CEP128: variants seen among roughly 807,000 people sequenced by gnomAD.
The protein encoded by CEP128 is centrosomal protein 128kDa.
Under a neutral mutation model 156.7 loss-of-function variants are expected in CEP128, and 132 were observed. The observed-to-expected ratio is 0.84, with a 90% CI of 0.73 to 0.97. The LOEUF is 0.97. Among genes scored for constraint, CEP128 ranks in the 50% least tolerant of loss-of-function variants. The pLI is 0.00. For synonymous variants in CEP128, 469 were observed against 448.9 expected (o/e 1.04, Z -0.57); for missense variants, 1,252 against 1,281.9 (o/e 0.98, Z 0.36).
At chr14:80,481,825 C>G (rs1887059908) in intron 14 of CEP128, among the ~76,000 whole-genome samples, 1 of 152,178 alleles carries the variant, frequency 6.6e-6, no homozygotes, top group Non-Finnish European at 1.5e-5. Context: ...TCCTAGTTCA[C>G]CTTAAATAGC....
intron 7 of CEP128, among the ~76,000 whole-genome samples, chr14:80,899,158 AT>A (rs1389155948): frequency 1.3e-5 from 2 of 152,240 alleles, no homozygotes; most frequent in Non-Finnish European, 2.9e-5. Flanking sequence ...TATACTTGAT[AT>A]TCATAGATTT....
intron 13 of CEP128, among the ~76,000 whole-genome samples, chr14:80,795,180 A>C (rs1200491807): frequency 6.6e-6 from 1 of 151,808 alleles, no homozygotes; most frequent in African/African-American, 2.4e-5. Context: ...GATGACCCCA[A>C]CTCCAGGCCT....
chr14:80,656,030 A>G (rs1298390523), intron 19 of CEP128, among the ~76,000 whole-genome samples: 2 of 151,678 alleles, frequency 1.3e-5, no homozygotes, highest in Admixed American at 6.6e-5. Flanking sequence ...TTTACTAAAC[A>G]TCCTTCCATG....
chr14:80,505,237 TTTC>T (rs1292935110), intron 23 of CEP128, among the ~76,000 whole-genome samples: 2 of 152,352 alleles, frequency 1.3e-5, no homozygotes, highest in Non-Finnish European at 2.9e-5. Flanking sequence ...ACATGACATA[TTTC>T]TTTCCAGTCT....
At chr14:80,621,529 A>T (rs1023106246) in intron 19 of CEP128, among the ~76,000 whole-genome samples, 2 of 152,220 alleles carry the variant, frequency 1.3e-5, no homozygotes, top group African/African-American at 4.8e-5. Flanking sequence ...TTTAACACAA[A>T]TTCTACAGAT....
chr14:80,929,662 CTA>C (rs371717922), intron 2 of CEP128, among the ~76,000 whole-genome samples: 12 of 152,172 alleles, frequency 7.9e-5, no homozygotes, highest in African/African-American at 2.2e-4. Context: ...GGGAGCTAAG[CTA>C]TGAGTACACA....
chr14:80,853,745 G>C (rs542431841), intron 9 of CEP128, among the ~76,000 whole-genome samples: 10 of 151,928 alleles, frequency 6.6e-5, no homozygotes, highest in Non-Finnish European at 1.2e-4. Context: ...TTTACCAAAA[G>C]ATAATAAAAC....
rs564500178 is a variant in CEP128 at position 80,689,200 on chromosome 14, C to CA, written c.2806+53874dup. 4.7e-3 allele frequency among the ~76,000 whole-genome samples: 614 copies of CA among 129,532 alleles called. 4 individuals are homozygous for CA. Among genetic ancestry groups the CA allele is most frequent in the African/African-American group, 0.015 (522 of 35,016 alleles). 85.0% of individuals were successfully genotyped at this position (129,532 alleles called of 152,430 possible). The stretch of plus-strand genomic sequence containing the variant: ...TGAAACCCTGTATCTACTAAAAATA[C>CA]AAAAAAAAATTAGCAGGGAGGCAGA... On this transcript the variant is annotated intron_variant, in intron 19 of 24. Transcript: ENST00000555265.
chr14:80,568,952 A>C (rs1259675768), intron 20 of CEP128, among the ~76,000 whole-genome samples: 2 of 152,192 alleles, frequency 1.3e-5, no homozygotes, highest in Non-Finnish European at 2.9e-5. Flanking sequence ...TGAAATACTT[A>C]ACTGCTTTTT....
upstream of CEP128, among the ~76,000 whole-genome samples, chr14:80,943,378 C>G (rs183533453): frequency 6.6e-6 from 1 of 152,288 alleles, no homozygotes; most frequent in Admixed American, 6.5e-5. Flanking sequence ...AAGTGATAAT[C>G]AGATCAACTG....
intron 19 of CEP128, among the ~76,000 whole-genome samples, chr14:80,594,110 G>A (rs1197087855): frequency 6.6e-6 from 1 of 152,106 alleles, no homozygotes; most frequent in Non-Finnish European, 1.5e-5. Context: ...CGTGATACTG[G>A]TACCAACACA....
intron 2 of CEP128, among the ~76,000 whole-genome samples, chr14:80,951,372 T>C (rs1886460424): frequency 6.6e-6 from 1 of 152,094 alleles, no homozygotes; most frequent in African/African-American, 2.4e-5. Flanking sequence ...AAATGGAGTA[T>C]AAACAAGCAT....
intron 19 of CEP128, among the ~76,000 whole-genome samples, chr14:80,624,430 G>A (rs1893622786): frequency 6.6e-6 from 1 of 152,062 alleles, no homozygotes; most frequent in African/African-American, 2.4e-5. Flanking sequence ...TTTCTCCTCT[G>A]GATAAATACT....
At position 80,792,834 on chromosome 14, in the gene CEP128, T is replaced by G. The variant is rs750688211; in HGVS notation, c.1486A>C (p.Lys496Gln). ...AQESIRQWKLKHKKLERALEK... is the reference protein window; with the variant it reads ...AQESIRQWKLQHKKLERALEK... ...AACGCTCGTTCTAACTTCTTATGCTTAAGCTTCCACTGCCTAATGGATTCT... is the reference window on the plus strand; with the variant it reads ...AACGCTCGTTCTAACTTCTTATGCTGAAGCTTCCACTGCCTAATGGATTCT... The change falls in exon 14 of 25, where the codon AAG (lysine) becomes CAG (glutamine). Residue 496 changes from lysine to glutamine, a missense_variant. Lys to Gln is a moderately conservative substitution (Grantham distance 53). Transcript: ENST00000555265. 1 of 1,614,100 alleles carries G rather than the reference T, an allele frequency of 6.2e-7. No individual in the cohort carries two copies. The highest frequency in any genetic ancestry group is 1.3e-5 in the African/African-American group (1 of 74,946).
intron 19 of CEP128, among the ~76,000 whole-genome samples, chr14:80,692,181 T>A (rs1268881023): frequency 6.6e-6 from 1 of 152,184 alleles, no homozygotes; most frequent in Non-Finnish European, 1.5e-5. Context: ...ATCAGCATAT[T>A]GTTAAACTGA....
chr14:80,793,514 T>C (rs1901827208), intron 13 of CEP128, among the ~76,000 whole-genome samples: 1 of 152,122 alleles, frequency 6.6e-6, no homozygotes, highest in Non-Finnish European at 1.5e-5. Flanking sequence ...ATATATAACA[T>C]TTTGCCTTCT....
chr14:80,647,457 G>C (rs1157518000), intron 19 of CEP128, among the ~76,000 whole-genome samples: 2 of 151,878 alleles, frequency 1.3e-5, no homozygotes, highest in East Asian at 3.9e-4. Context: ...CTTTTCCTCT[G>C]AGTTTTCAGG....
intron 19 of CEP128, among the ~76,000 whole-genome samples, chr14:80,741,700 A>AT (rs1348966454): frequency 6.6e-6 from 1 of 152,182 alleles, no homozygotes; most frequent in African/African-American, 2.4e-5. Flanking sequence ...TATTTCACTT[A>AT]TAGATAGGTT....
In CEP128 at chr14:80,696,140, A is replaced by G. The variant is rs1306720923; in HGVS notation, c.2806+46935T>C. 5.9e-5 allele frequency among the ~76,000 whole-genome samples: 9 copies of G among 152,202 alleles called. 1 individual carries two copies. Among genetic ancestry groups the G allele is most frequent in the Non-Finnish European group, 1.0e-4 (7 of 68,024 alleles). On this transcript the variant is annotated intron_variant, in intron 19 of 24. Transcript: ENST00000555265. ...CTATAAGGAAGGTAAATTAGGACCA[A>G]TTAGTGACTGTTTGGTTACTGGGAT... is the stretch of plus-strand genomic sequence containing the variant.
Sources: gnomAD v4.1 joint callset for allele counts (sites outside exome capture counted in the v4.1 genomes callset) on GRCh38, gnomAD v4.1.1 for gene constraint, MANE v1.5 for transcripts, NCBI Gene and HGNC (gene_info 2026-07-23, HGNC 2026-07-21) for gene names.